Variants in NLGN1 observed in about 807,000 individuals in gnomAD.
NLGN1 encodes neuroligin-1.
Under a neutral mutation model 65.5 loss-of-function variants are expected in NLGN1, and 12 were observed. That is an observed-to-expected ratio of 0.18 (90% CI 0.12 to 0.30). NLGN1 has a LOEUF of 0.30. Among genes scored for constraint, NLGN1 ranks in the 10% least tolerant of loss-of-function variants. The probability of loss-of-function intolerance (pLI) is 1.00; values close to 1 mark genes in which losing one functional copy is unlikely to be tolerated. For missense variants in NLGN1, 750 were observed against 1,007.1 expected, an observed-to-expected ratio of 0.74 and a Z score of 3.46; for synonymous variants, 350 against 359.5, an observed-to-expected ratio of 0.97 and a Z score of 0.30.
chr3:173,548,048 C>T (rs190314898), intron 2 of NLGN1, among the ~76,000 whole-genome samples: 5 of 152,126 alleles, frequency 3.3e-5, no homozygotes, highest in African/African-American at 9.6e-5. Context: ...AATTTACTTA[C>T]GCATTTACTT....
intron 2 of NLGN1, among the ~76,000 whole-genome samples, chr3:173,473,851 G>A (rs914743798): frequency 6.6e-6 from 1 of 152,102 alleles, no homozygotes; most frequent in African/African-American, 2.4e-5. Context: ...AGATGCTAGC[G>A]GGCGAATAAC....
At chr3:173,526,648 G>A (rs539028257) in intron 2 of NLGN1, among the ~76,000 whole-genome samples, 63 of 152,164 alleles carry the variant, frequency 4.1e-4, no homozygotes, top group Admixed American at 3.8e-3. Context: ...TACAATTAAA[G>A]TATTTTTGAC....
intron 2 of NLGN1, among the ~76,000 whole-genome samples, chr3:173,579,097 C>G (rs188207477): frequency 4.6e-5 from 7 of 152,314 alleles, no homozygotes; most frequent in Admixed American, 3.9e-4. Flanking sequence ...GATTTAAACC[C>G]TTTTAAGAGT....
At chr3:174,007,122 G>T (rs1178255758) in intron 4 of NLGN1, among the ~76,000 whole-genome samples, 1 of 152,076 alleles carries the variant, frequency 6.6e-6, no homozygotes, top group Admixed American at 6.6e-5. Flanking sequence ...CACTAGGGAT[G>T]CATGCACGCA....
At chr3:173,599,096 T>C (rs1160137890) in intron 2 of NLGN1, among the ~76,000 whole-genome samples, 3 of 152,164 alleles carry the variant, frequency 2.0e-5, no homozygotes, top group African/African-American at 4.8e-5. Context: ...ATTCATGAAC[T>C]CGTTTCTAAT....
In NLGN1 at chr3:173,652,090, G is replaced by A. The variant is rs572033119; in HGVS notation, c.493+46999G>A. ...GTTACAGGTGTGAGCCACCATGCCCGGCCCCTTTGCCCACTTTTTAATTGG... is the reference window on the plus strand; with the variant it reads ...GTTACAGGTGTGAGCCACCATGCCCAGCCCCTTTGCCCACTTTTTAATTGG... On this transcript the variant is annotated intron_variant, in intron 3 of 6. Transcript: ENST00000457714. Among the ~76,000 whole-genome samples the A allele has an allele frequency of 4.6e-5, 7 of 152,162 alleles. No homozygotes were observed. In the South Asian group the frequency reaches 6.2e-4, roughly 14 times the overall value.
At chr3:174,237,684 G>A (rs1561359698) in intron 4 of NLGN1, among the ~76,000 whole-genome samples, 1 of 152,088 alleles carries the variant, frequency 6.6e-6, no homozygotes, top group Non-Finnish European at 1.5e-5. Flanking sequence ...AGTCTCCCAA[G>A]TAGCTAGAAT....
chr3:174,038,924 A>G (rs1046719524), intron 4 of NLGN1, among the ~76,000 whole-genome samples: 6 of 152,202 alleles, frequency 3.9e-5, no homozygotes, highest in African/African-American at 1.4e-4. Context: ...ACCCACAGTA[A>G]CCAGTGATGC....
intron 3 of NLGN1, among the ~76,000 whole-genome samples, chr3:173,787,262 T>C (rs74380427): frequency 0.044 from 6,771 of 152,274 alleles, 500 homozygotes; most frequent in African/African-American, 0.15. Context: ...TATATTTTTA[T>C]TGCTTTAAAT....
At chr3:174,134,475 G>A (rs1441020805) in intron 4 of NLGN1, among the ~76,000 whole-genome samples, 5 of 151,948 alleles carry the variant, frequency 3.3e-5, no homozygotes, top group South Asian at 2.1e-4. Context: ...AACACATTAC[G>A]GATGAAAAAA....
At chr3:173,423,581 C>A (rs542764134) in intron 1 of NLGN1, among the ~76,000 whole-genome samples, 1 of 152,232 alleles carries the variant, frequency 6.6e-6, no homozygotes, top group Admixed American at 6.5e-5. Context: ...GTCCAAAATC[C>A]AGCAGGGTAA....
At chr3:174,001,324 A>C (rs1427571619) in intron 4 of NLGN1, among the ~76,000 whole-genome samples, 3 of 151,944 alleles carry the variant, frequency 2.0e-5, no homozygotes, top group Non-Finnish European at 4.4e-5. Flanking sequence ...AGTTAGAAAC[A>C]GATTTTTTTC....
rs141839881 is a variant in NLGN1, at chr3:173,620,269, A to G, written c.493+15178A>G. ...ATAACTGTGGGGTAGAAATAAAGAA[A>G]TAAAGGGTAAGAGATATCTATTTGG... is the stretch of plus-strand genomic sequence containing the variant. On this transcript the variant is annotated intron_variant, in intron 3 of 6. Coordinates refer to ENST00000457714, the Ensembl canonical transcript of NLGN1. Among the ~76,000 whole-genome samples the G allele has an allele frequency of 2.5e-3, 374 of 152,242 alleles. 4 individuals are homozygous for G. The highest frequency in any genetic ancestry group is 8.5e-3 in the African/African-American group (353 of 41,564).
chr3:173,650,696 A>G (rs937551319), intron 3 of NLGN1, among the ~76,000 whole-genome samples: 1 of 152,324 alleles, frequency 6.6e-6, no homozygotes, highest in East Asian at 1.9e-4. Flanking sequence ...TTGTCTCAAC[A>G]TAATTTATTA....
intron 4 of NLGN1, among the ~76,000 whole-genome samples, chr3:174,254,742 A>G (rs571181563): frequency 6.6e-6 from 1 of 152,290 alleles, no homozygotes; most frequent in Admixed American, 6.5e-5. Context: ...TAAGGATAAA[A>G]TCTAGATAAA....
intron 4 of NLGN1, among the ~76,000 whole-genome samples, chr3:174,207,328 T>C (rs1258301389): frequency 6.6e-6 from 1 of 152,090 alleles, no homozygotes; most frequent in Non-Finnish European, 1.5e-5. Context: ...GCCCAGATCC[T>C]ACACAAAATA....
exon 7 of NLGN1, chr3:174,286,534 T>A (rs1277125262): frequency 6.6e-6 from 1 of 151,588 alleles, no homozygotes; most frequent in East Asian, 1.9e-4. Flanking sequence ...TATGTCATGG[T>A]TTTTGTAAAA....
At chr3:173,715,392 A>G (rs901768954) in intron 3 of NLGN1, among the ~76,000 whole-genome samples, 2 of 152,178 alleles carry the variant, frequency 1.3e-5, no homozygotes, top group African/African-American at 4.8e-5. Context: ...AGAGAATAGT[A>G]AGCAACATAA....
chr3:173,793,708 G>T (rs1329116984), intron 3 of NLGN1, among the ~76,000 whole-genome samples: 1 of 152,012 alleles, frequency 6.6e-6, no homozygotes, highest in East Asian at 1.9e-4. Context: ...GACCTCAGAG[G>T]CTCCTTTTTC....
Sources: gnomAD v4.1 joint callset for allele counts (sites outside exome capture counted in the v4.1 genomes callset) on GRCh38, gnomAD v4.1.1 for gene constraint, MANE v1.5 for transcripts, NCBI Gene and HGNC (gene_info 2026-07-23, HGNC 2026-07-21) for gene names.